FMN1: variants seen among roughly 807,000 people sequenced by gnomAD.
The protein encoded by FMN1 is formin 1.
In FMN1, 110 loss-of-function variants were observed where a neutral mutation model predicts 132.4. That is an observed-to-expected ratio of 0.83 (90% CI 0.71 to 0.97). The LOEUF is 0.97. Among genes scored for constraint, FMN1 ranks in the 50% least tolerant of loss-of-function variants. The pLI is 0.00. For synonymous variants in FMN1, 722 were observed against 651.7 expected, an observed-to-expected ratio of 1.11 and a Z score of -1.64; for missense variants, 1,792 against 1,705.3, an observed-to-expected ratio of 1.05 and a Z score of -0.90.
intron 18 of FMN1, among the ~76,000 whole-genome samples, chr15:32,801,669 C>T (rs1317235225): frequency 6.6e-6 from 1 of 152,150 alleles, no homozygotes; most frequent in East Asian, 1.9e-4. Context: ...GTGGTAGGCA[C>T]CTGCAGGCCC....
chr15:32,801,370 A>G lies in FMN1; in HGVS notation c.3981-2417T>C, dbSNP rs551717718. 1.2e-3 allele frequency among the ~76,000 whole-genome samples: 182 copies of G among 152,302 alleles called. 1 individual carries two copies. The highest frequency in any genetic ancestry group is 3.4e-3 in the Middle Eastern group (1 of 294). ...TTCTTATGTGTTTTGGAAACTAAGA[A>G]AGCAAGTGAACCTCTTCAGAAGAAC... On this transcript the variant is annotated intron_variant, in intron 18 of 20. Transcript: ENST00000616417.
At chr15:32,982,863 C>T (rs958129932) in intron 7 of FMN1, among the ~76,000 whole-genome samples, 2 of 152,128 alleles carry the variant, frequency 1.3e-5, no homozygotes, top group Non-Finnish European at 2.9e-5. Context: ...CCTCTAGACA[C>T]AGACCACAGC....
chr15:33,084,235 T>C (rs922098145), intron 5 of FMN1, among the ~76,000 whole-genome samples: 1 of 152,218 alleles, frequency 6.6e-6, no homozygotes, highest in Non-Finnish European at 1.5e-5. Context: ...AAATTCTCTC[T>C]TGTGTAAGGT....
rs1447213158 is a variant in FMN1 at position 32,969,081 on chromosome 15, A to G, written c.2620T>C (p.Ser874Pro). ...QQKALPPPPASIPPPPPLPSG... is the reference protein window; with the variant it reads ...QQKALPPPPAPIPPPPPLPSG... ...GGGAGGGGCGGAGGGGGAGGGATGG[A>G]TGCGGGAGGCGGAGGCAATGCCTTC... Residue 874 changes from serine (S) to proline (P), a missense_variant, in exon 8 of 21, where the codon TCC becomes CCC. Physicochemically the swap from Ser to Pro is moderately conservative, Grantham distance 74. Coordinates refer to ENST00000616417, the MANE Select transcript of FMN1 (RefSeq NM_001277313.2). The G allele has an allele frequency of 6.3e-7, 1 of 1,599,320 alleles. No individual in the cohort carries two copies. The highest frequency in any genetic ancestry group is 8.5e-7 in the Non-Finnish European group (1 of 1,171,206).
chr15:32,856,058 C>G (rs2059124814), intron 17 of FMN1, among the ~76,000 whole-genome samples: 1 of 152,208 alleles, frequency 6.6e-6, no homozygotes, highest in South Asian at 2.1e-4. Flanking sequence ...ACCAAGGGAA[C>G]AGCAGCTGGA....
At chr15:32,916,743 A>T (rs915413004) in intron 10 of FMN1, among the ~76,000 whole-genome samples, 3 of 152,314 alleles carry the variant, frequency 2.0e-5, no homozygotes, top group South Asian at 4.1e-4. Context: ...GCAAAGTTTG[A>T]TAGGATTACT....
intron 2 of FMN1, among the ~76,000 whole-genome samples, chr15:33,180,743 C>CATT (rs1566969473): frequency 1.1e-5 from 1 of 87,514 alleles, no homozygotes; most frequent in Non-Finnish European, 2.4e-5. Flanking sequence ...TCTCCTGCTG[C>CATT]CTTTTTTTTT....
intron 4 of FMN1, among the ~76,000 whole-genome samples, chr15:33,091,221 G>A (rs1595450999): frequency 6.6e-6 from 1 of 152,156 alleles, no homozygotes; most frequent in East Asian, 1.9e-4. Flanking sequence ...TCATCATTTA[G>A]GTACAAGAGA....
At position 32,903,036 on chromosome 15, in the gene FMN1, C is replaced by A. The variant is rs185738617; in HGVS notation, c.3378-996G>T. 9.8e-5 allele frequency among the ~76,000 whole-genome samples: 15 copies of A among 152,328 alleles called. No homozygotes were observed. In the East Asian group the frequency reaches 2.7e-3, roughly 27 times the overall value. ...ATAGGAACAAAGCTGAAGCCTACTT[C>A]TTTCTATACCGAAAGATATTTTCTT... On this transcript the variant is annotated intron_variant, in intron 12 of 20. Transcript: ENST00000616417.
chr15:32,778,278 A>T (rs1414855567), intron 19 of FMN1, among the ~76,000 whole-genome samples: 4 of 143,542 alleles, frequency 2.8e-5, no homozygotes, highest in African/African-American at 5.1e-5. Context: ...TATATATTTT[A>T]TATATATATA....
intron 19 of FMN1, among the ~76,000 whole-genome samples, chr15:32,778,761 C>T (rs915658230): frequency 5.3e-5 from 8 of 151,990 alleles, no homozygotes; most frequent in South Asian, 2.1e-4. Context: ...TTTTCCAAAA[C>T]GTTAAGCACA....
At chr15:32,980,792 G>A (rs1485076470) in intron 7 of FMN1, among the ~76,000 whole-genome samples, 1 of 152,148 alleles carries the variant, frequency 6.6e-6, no homozygotes, top group East Asian at 1.9e-4. Flanking sequence ...AAGGAAGGCG[G>A]ATCTGAGGTT....
At chr15:32,997,279 A>G (rs1180867142) in intron 7 of FMN1, among the ~76,000 whole-genome samples, 2 of 150,328 alleles carry the variant, frequency 1.3e-5, no homozygotes, top group Non-Finnish European at 1.5e-5. Context: ...AAAGAACTCT[A>G]TTGTTTATTT....
At chr15:32,913,747 C>CTTGCAGTCAGCAG (rs1359232280) in intron 10 of FMN1, among the ~76,000 whole-genome samples, 1 of 152,136 alleles carries the variant, frequency 6.6e-6, no homozygotes, top group Non-Finnish European at 1.5e-5. Flanking sequence ...CTGTGAAAGC[C>CTTGCAGTCAGCAG]TTGCAGTCAG....
chr15:32,821,972 GC>G lies in FMN1; in HGVS notation c.3929-17641del, dbSNP rs562360840. Among the ~76,000 whole-genome samples, 79 of 152,096 alleles carry G rather than the reference GC, an allele frequency of 5.2e-4. 1 individual carries two copies. Among genetic ancestry groups the G allele is most frequent in the Non-Finnish European group, 9.0e-4 (61 of 67,992 alleles). On this transcript the variant is annotated intron_variant, in intron 17 of 20. Transcript: ENST00000616417. The stretch of plus-strand genomic sequence containing the variant: ...AAATGCTTTACATTTTATTAGTAAT[GC>G]TTTAACCATTATTTTATAAATGTCT...
chr15:33,152,881 T>A (rs1964501952), intron 4 of FMN1, among the ~76,000 whole-genome samples, 167 bp downstream of exon 4: 1 of 149,674 alleles, frequency 6.7e-6, no homozygotes, highest in Non-Finnish European at 1.5e-5. Context: ...ATCCTAATCA[T>A]CTCCACACCC....
At chr15:33,053,399 C>G (rs1021718574) in intron 6 of FMN1, among the ~76,000 whole-genome samples, 16 of 152,226 alleles carry the variant, frequency 1.1e-4, no homozygotes, top group African/African-American at 3.9e-4. Flanking sequence ...GCACTTGGAG[C>G]TGCCAGCCAA....
At chr15:32,985,615 T>C (rs2033015364) in intron 7 of FMN1, among the ~76,000 whole-genome samples, 1 of 152,170 alleles carries the variant, frequency 6.6e-6, no homozygotes, top group Non-Finnish European at 1.5e-5. Flanking sequence ...CTGATTTGTA[T>C]GATTACTGCA....
At chr15:33,128,071 G>C (rs77846463) in intron 4 of FMN1, among the ~76,000 whole-genome samples, 5,345 of 152,250 alleles carry the variant, frequency 0.035, 138 homozygotes, top group Non-Finnish European at 0.054. Flanking sequence ...GGACAAAAAA[G>C]ATGGGAGAAG....
Sources: gnomAD v4.1 joint callset for allele counts (sites outside exome capture counted in the v4.1 genomes callset) on GRCh38, gnomAD v4.1.1 for gene constraint, MANE v1.5 for transcripts, NCBI Gene and HGNC (gene_info 2026-07-23, HGNC 2026-07-21) for gene names.